TNFAIP8: variants seen among roughly 807,000 people sequenced by gnomAD.
TNFAIP8 encodes the protein tumor necrosis factor alpha-induced protein 8.
Under a neutral mutation model 13.3 loss-of-function variants are expected in TNFAIP8, and 7 were observed. That is an observed-to-expected ratio of 0.52 (90% CI 0.30 to 0.99). The LOEUF (loss-of-function observed/expected upper bound fraction) is 0.99, where lower values mean the gene tolerates loss of function less well. Among genes scored for constraint, TNFAIP8 ranks in the 50% least tolerant of loss-of-function variants. The probability of loss-of-function intolerance (pLI) is 0.07; values close to 1 mark genes in which losing one functional copy is unlikely to be tolerated. For missense variants in TNFAIP8, 258 were observed against 236.9 expected, an observed-to-expected ratio of 1.09 and a Z score of -0.58; for synonymous variants, 94 against 87.6, an observed-to-expected ratio of 1.07 and a Z score of -0.41.
At chr5:119,392,653 A>G (rs1327140941) in intron 1 of TNFAIP8, among the ~76,000 whole-genome samples, 163 bp from the exon 2 acceptor site, 3 of 152,192 alleles carry the variant, frequency 2.0e-5, no homozygotes, top group African/African-American at 4.8e-5. Context: ...CACCCAGCCA[A>G]AAATTCTTTT....
chr5:119,333,193 G>A (rs1291696510), intron 1 of TNFAIP8: 2 of 990,468 alleles, frequency 2.0e-6, no homozygotes, highest in Non-Finnish European at 2.4e-6. Flanking sequence ...ATATACTCCT[G>A]TTTGCTTGTC....
intron 1 of TNFAIP8, among the ~76,000 whole-genome samples, chr5:119,273,249 G>A (rs1283808249): frequency 5.3e-5 from 8 of 152,250 alleles, no homozygotes; most frequent in Admixed American, 2.6e-4. Flanking sequence ...TCCTGTATCA[G>A]TGTGCAGAAG....
intron 1 of TNFAIP8, among the ~76,000 whole-genome samples, chr5:119,292,826 C>G (rs1749040993): frequency 6.6e-6 from 1 of 151,548 alleles, no homozygotes; most frequent in Admixed American, 6.6e-5. Context: ...TGGTTCTGTT[C>G]ATGTGAAATG....
intron 1 of TNFAIP8, among the ~76,000 whole-genome samples, chr5:119,347,679 T>A (rs1240850751): frequency 6.6e-6 from 1 of 152,218 alleles, no homozygotes; most frequent in Non-Finnish European, 1.5e-5. Context: ...TTCTGATGCA[T>A]GCCTTTCACT....
At chr5:119,289,238 A>G (rs1208871549) in intron 1 of TNFAIP8, among the ~76,000 whole-genome samples, 1 of 152,206 alleles carries the variant, frequency 6.6e-6, no homozygotes, top group Non-Finnish European at 1.5e-5. Flanking sequence ...TTGTGTTCCC[A>G]ATAGTGTGTA....
rs1458430630 is a variant in TNFAIP8, at chr5:119,279,290, A to T, written c.1+10383A>T. Reference sequence around the variant, plus strand: ...TGCTACAGGGTGTTACTCTTCAATAATACTGCCACAAACACCCTCTTTTTC... The same window carrying T: ...TGCTACAGGGTGTTACTCTTCAATATTACTGCCACAAACACCCTCTTTTTC... On this transcript the variant is annotated intron_variant, in intron 1 of 1. Coordinates refer to the TNFAIP8 transcript ENST00000274456. Among the ~76,000 whole-genome samples, 3 of 152,178 alleles carry T rather than the reference A, an allele frequency of 2.0e-5. No individual in the cohort carries two copies. The East Asian group carries it at 5.8e-4, about 29-fold the overall frequency.
upstream of TNFAIP8, chr5:119,355,261 G>A: frequency 1.4e-6 from 1 of 699,546 alleles, no homozygotes; most frequent in South Asian, 1.5e-5. Context: ...GGAGGGAACC[G>A]TGCTCTCCCC....
chr5:119,378,309 A>C (rs1752358204), intron 1 of TNFAIP8, among the ~76,000 whole-genome samples: 1 of 152,130 alleles, frequency 6.6e-6, no homozygotes, highest in African/African-American at 2.4e-5. Flanking sequence ...GCTTCTATAG[A>C]ACTCTGGGTT....
At chr5:119,286,003 T>A (rs1421773049) in intron 1 of TNFAIP8, among the ~76,000 whole-genome samples, 1 of 152,228 alleles carries the variant, frequency 6.6e-6, no homozygotes, top group Non-Finnish European at 1.5e-5. Flanking sequence ...CTGTTAGTAG[T>A]AGAACTATGA....
chr5:119,308,761 CTGAGGCAGGAGAATCTTT>C (rs1749642231), intron 1 of TNFAIP8, among the ~76,000 whole-genome samples: 1 of 150,048 alleles, frequency 6.7e-6, no homozygotes, highest in Non-Finnish European at 1.5e-5. Flanking sequence ...ACTCGGGAGG[CTGAGGCAGGAGAATCTTT>C]TGAACCCAGG....
chr5:119,307,430 A>C (rs1749599366), intron 1 of TNFAIP8, among the ~76,000 whole-genome samples: 1 of 152,228 alleles, frequency 6.6e-6, no homozygotes, highest in Non-Finnish European at 1.5e-5. Context: ...ACAACTTAAA[A>C]AAATCTTTTG....
At position 119,286,387 on chromosome 5, in the gene TNFAIP8, C is replaced by T. The variant is rs560783004; in HGVS notation, c.1+17480C>T. Among the ~76,000 whole-genome samples the T allele has an allele frequency of 9.6e-4, 146 of 152,182 alleles. 1 individual carries two copies. Among genetic ancestry groups the T allele is most frequent in the African/African-American group, 3.2e-3 (133 of 41,538 alleles). ...CTGTAATCCCAGCACTTTTGGAGGCCGAGGTGGGTGGATCACGAGGTCAGG... is the reference window on the plus strand; with the variant it reads ...CTGTAATCCCAGCACTTTTGGAGGCTGAGGTGGGTGGATCACGAGGTCAGG... On this transcript the variant is annotated intron_variant, in intron 1 of 1. Coordinates refer to the TNFAIP8 transcript ENST00000274456.
rs1751534960 is a variant in TNFAIP8 at position 119,358,917 on chromosome 5, GGTGA to G, written c.31+2803_31+2806del. ...ACTTGGAAAAGAGTGAGGATTGAGT[GGTGA>G]GTGAGTCTGGCTCGCTCCTCCATTG... is the stretch of plus-strand genomic sequence containing the variant. On this transcript the variant is annotated intron_variant, in intron 1 of 1. Coordinates refer to ENST00000504771, the MANE Select transcript of TNFAIP8 (RefSeq NM_014350.4). Among the ~76,000 whole-genome samples the G allele has an allele frequency of 2.6e-5, 4 of 152,198 alleles. No homozygotes were observed. In the South Asian group the frequency reaches 8.3e-4, roughly 32 times the overall value.
chr5:119,294,413 A>G (rs1279547402), intron 1 of TNFAIP8, among the ~76,000 whole-genome samples: 1 of 152,130 alleles, frequency 6.6e-6, no homozygotes, highest in African/African-American at 2.4e-5. Flanking sequence ...TCCCTGGTGT[A>G]TATGTGCCAC....
chr5:119,291,996 A>C (rs1315147386), intron 1 of TNFAIP8, among the ~76,000 whole-genome samples: 2 of 152,200 alleles, frequency 1.3e-5, no homozygotes, highest in African/African-American at 2.4e-5. Flanking sequence ...AGAGAGGAGA[A>C]GTGAAGTCAA....
At chr5:119,345,607 A>C (rs1012328598) in intron 1 of TNFAIP8, among the ~76,000 whole-genome samples, 2 of 152,260 alleles carry the variant, frequency 1.3e-5, no homozygotes, top group African/African-American at 4.8e-5. Flanking sequence ...CCATCACAAA[A>C]AGACAAATAC....
rs1034007649 is a variant in TNFAIP8 at position 119,394,830 on chromosome 5, C to G, written c.*1449C>G. The G allele has an allele frequency of 5.9e-5, 9 of 152,244 alleles. 1 individual carries two copies. The highest frequency in any genetic ancestry group is 2.2e-4 in the African/African-American group (9 of 41,494). 9.4% of individuals were successfully genotyped at this position (152,244 alleles called of 1,614,324 possible). A position where few individuals can be genotyped will look rare whatever the true frequency, so the allele number is the denominator to read the frequency against. On this transcript the variant is annotated 3_prime_UTR_variant, in exon 2 of 2. Transcript: ENST00000504771. Reference sequence around the variant, plus strand: ...CCATGTTGCCCAGGCTGGTCTTGAACTCCTGACTTCAAATGATCTGCCTGC... The same window carrying G: ...CCATGTTGCCCAGGCTGGTCTTGAAGTCCTGACTTCAAATGATCTGCCTGC...
At chr5:119,355,890 C>G (rs1321425070), upstream of TNFAIP8, 33 of 1,207,670 alleles carry the variant, frequency 2.7e-5, no homozygotes, top group Non-Finnish European at 2.1e-6. Flanking sequence ...CCAGCTGACA[C>G]GCGATTCGTC....
rs572658155 is a variant in TNFAIP8 at position 119,308,477 on chromosome 5, G to T, written c.1+39570G>T. ...CCTTCCTGCCTCTTGGCACTGAAAG[G>T]TTTCCATTGCATCAGGGTTGGCCTT... On this transcript the variant is annotated intron_variant, in intron 1 of 1. Coordinates refer to the TNFAIP8 transcript ENST00000274456. 1.0e-3 allele frequency among the ~76,000 whole-genome samples: 152 copies of T among 150,956 alleles called. 1 individual carries two copies. Among genetic ancestry groups the T allele is most frequent in the African/African-American group, 3.6e-3 (146 of 40,830 alleles).
Sources: gnomAD v4.1 joint callset for allele counts (sites outside exome capture counted in the v4.1 genomes callset) on GRCh38, gnomAD v4.1.1 for gene constraint, MANE v1.5 for transcripts, NCBI Gene and HGNC (gene_info 2026-07-23, HGNC 2026-07-21) for gene names.